CA8: variants seen among roughly 807,000 people sequenced by gnomAD.
The protein encoded by CA8 is carbonic anhydrase-related protein.
A neutral mutation model predicts 41.4 loss-of-function variants in CA8; 22 were observed. The observed-to-expected ratio is 0.53, with a 90% CI of 0.38 to 0.76. The LOEUF is 0.76. Among genes scored for constraint, CA8 ranks in the 30% least tolerant of loss-of-function variants. The pLI is 0.00. For missense variants in CA8, 270 were observed against 352.8 expected (o/e 0.77, Z 1.88); for synonymous variants, 121 against 130.6 (o/e 0.93, Z 0.50).
At chr8:60,223,836 G>A (rs954955948) in intron 6 of CA8, among the ~76,000 whole-genome samples, 2 of 152,122 alleles carry the variant, frequency 1.3e-5, no homozygotes, top group African/African-American at 2.4e-5. Flanking sequence ...AAAACACTAA[G>A]GGACAGCACA....
chr8:60,272,927 G>C (rs765534917), intron 2 of CA8, among the ~76,000 whole-genome samples: 7 of 152,194 alleles, frequency 4.6e-5, no homozygotes, highest in Non-Finnish European at 1.0e-4. Flanking sequence ...TTAAACATCT[G>C]GCAAAGTAGG....
chr8:60,258,365 T>A (rs544651148), intron 3 of CA8, among the ~76,000 whole-genome samples: 33 of 152,316 alleles, frequency 2.2e-4, no homozygotes, highest in African/African-American at 7.9e-4. Context: ...AAACGAACTA[T>A]TAATATATAT....
chr8:60,225,834 T>C (rs1448712481), intron 5 of CA8, among the ~76,000 whole-genome samples: 1 of 152,172 alleles, frequency 6.6e-6, no homozygotes, highest in Non-Finnish European at 1.5e-5. Context: ...TAAGAGAGAC[T>C]GGCATTGGGC....
intron 8 of CA8, among the ~76,000 whole-genome samples, chr8:60,196,511 T>C (rs954382262): frequency 1.2e-4 from 18 of 152,132 alleles, no homozygotes; most frequent in African/African-American, 3.6e-4. Context: ...GGAGTAAATA[T>C]TGTGAGAACA....
At chr8:60,272,460 C>T (rs1804103359) in intron 2 of CA8, among the ~76,000 whole-genome samples, 1 of 151,912 alleles carries the variant, frequency 6.6e-6, no homozygotes, top group South Asian at 2.1e-4. Flanking sequence ...TCCATAATAC[C>T]CTCTCTATTC....
intron 3 of CA8, among the ~76,000 whole-genome samples, chr8:60,261,966 T>C (rs1451355130): frequency 6.6e-6 from 1 of 152,180 alleles, no homozygotes; most frequent in Non-Finnish European, 1.5e-5. Flanking sequence ...CGCCTCGGCC[T>C]CCCAAAGTGC....
intron 2 of CA8, among the ~76,000 whole-genome samples, chr8:60,275,303 G>A (rs1413918781): frequency 6.6e-6 from 1 of 152,028 alleles, no homozygotes; most frequent in African/African-American, 2.4e-5. Flanking sequence ...AAAGATCACT[G>A]GACTTTTGAG....
At position 60,189,071 on chromosome 8, in the gene CA8, T is replaced by C. The variant is rs1320152200; in HGVS notation, c.*950A>G. The stretch of plus-strand genomic sequence containing the variant: ...TCTGTCACATCTAACGGCAACTAAG[T>C]ATACGCTTACATCTGCTAGTGGCAC... On this transcript the variant is annotated 3_prime_UTR_variant, in exon 9 of 9. Transcript: ENST00000317995. 2 of 152,196 alleles carry C rather than the reference T, an allele frequency of 1.3e-5. No individual in the cohort carries two copies. The highest frequency in any genetic ancestry group is 2.9e-5 in the Non-Finnish European group (2 of 68,040). 9.4% of individuals were successfully genotyped at this position (152,196 alleles called of 1,614,324 possible). A position where few individuals can be genotyped will look rare whatever the true frequency, so the allele number is the denominator to read the frequency against.
chr8:60,197,105 T>C (rs1462690806), intron 8 of CA8, among the ~76,000 whole-genome samples: 2 of 152,184 alleles, frequency 1.3e-5, no homozygotes, highest in Non-Finnish European at 2.9e-5. Flanking sequence ...GCAATCTGCA[T>C]ATGGATTACA....
Position 60,243,540 on chromosome 8 carries a change from C to T in CA8, c.418-11161G>A, listed in dbSNP as rs77486878. Among the ~76,000 whole-genome samples the T allele has an allele frequency of 3.2e-3, 490 of 152,224 alleles. 1 individual carries two copies. Among genetic ancestry groups the T allele is most frequent in the African/African-American group, 0.012 (480 of 41,518 alleles). ...CTCCCATCACCACCTCCTCCTTGCCCATTTCCTCTGCTATCTACTGAAATC... is the reference window on the plus strand; with the variant it reads ...CTCCCATCACCACCTCCTCCTTGCCTATTTCCTCTGCTATCTACTGAAATC... On this transcript the variant is annotated intron_variant, in intron 3 of 8. Coordinates refer to ENST00000317995, the MANE Select transcript of CA8 (RefSeq NM_004056.6).
chr8:60,260,648 T>A (rs998958198), intron 3 of CA8, among the ~76,000 whole-genome samples: 1 of 152,242 alleles, frequency 6.6e-6, no homozygotes, highest in Non-Finnish European at 1.5e-5. Context: ...CTGTGCAATT[T>A]GACCTTTTGA....
intron 8 of CA8, among the ~76,000 whole-genome samples, chr8:60,205,866 G>A (rs896927993): frequency 6.4e-4 from 98 of 152,130 alleles, no homozygotes; most frequent in Admixed American, 2.6e-4. Flanking sequence ...ACAACTACCA[G>A]AGAAATGTCT....
intron 3 of CA8, among the ~76,000 whole-genome samples, chr8:60,249,627 A>G (rs956765921): frequency 1.3e-5 from 2 of 152,240 alleles, no homozygotes; most frequent in African/African-American, 4.8e-5. Flanking sequence ...GCTCTGATCT[A>G]GAGCTTTTTG....
chr8:60,192,975 A>ACC (rs57340967), intron 8 of CA8, among the ~76,000 whole-genome samples: 2 of 137,370 alleles, frequency 1.5e-5, no homozygotes, highest in African/African-American at 2.7e-5. Flanking sequence ...ACACACACAC[A>ACC]CCCCACCCCA....
chr8:60,190,943 T>C (rs1380652791), intron 8 of CA8, among the ~76,000 whole-genome samples: 1 of 125,906 alleles, frequency 7.9e-6, no homozygotes, highest in Admixed American at 7.8e-5. Flanking sequence ...ACACACTATA[T>C]ATATATATAT....
chr8:60,232,451 C>T, intron 3 of CA8, 72 bp from the exon 4 acceptor site: 2 of 992,860 alleles, frequency 2.0e-6, no homozygotes, highest in East Asian at 4.7e-5. Flanking sequence ...AAGATATAGC[C>T]ATTTCTTTAC....
At chr8:60,228,306 G>GT (rs1253047636) in intron 4 of CA8, among the ~76,000 whole-genome samples, 2 of 152,350 alleles carry the variant, frequency 1.3e-5, no homozygotes, top group Non-Finnish European at 2.9e-5. Flanking sequence ...TAATGCATAT[G>GT]TACCTGTGGC....
chr8:60,197,759 T>C (rs1039560415), intron 8 of CA8, among the ~76,000 whole-genome samples: 1 of 150,538 alleles, frequency 6.6e-6, no homozygotes, highest in African/African-American at 2.5e-5. Flanking sequence ...GCTATATATG[T>C]GGAGACAAGG....
chr8:60,253,238 AAAAT>A (rs1291102006), intron 3 of CA8, among the ~76,000 whole-genome samples: 4 of 152,158 alleles, frequency 2.6e-5, no homozygotes, highest in Admixed American at 2.6e-4. Flanking sequence ...CTATCTCAAA[AAAAT>A]AAATAAAAAT....
Sources: gnomAD v4.1 joint callset for allele counts (sites outside exome capture counted in the v4.1 genomes callset) on GRCh38, gnomAD v4.1.1 for gene constraint, MANE v1.5 for transcripts, NCBI Gene and HGNC (gene_info 2026-07-23, HGNC 2026-07-21) for gene names.